TNRC6C: variants seen among roughly 807,000 people sequenced by gnomAD.
TNRC6C encodes the protein trinucleotide repeat containing adaptor 6C, also known as trinucleotide repeat-containing gene 6C protein.
In TNRC6C, 20 loss-of-function variants were observed where a neutral mutation model predicts 153.7. The ratio of observed to expected loss-of-function variants is 0.13; its 90% confidence interval spans 0.09 to 0.19. TNRC6C has a LOEUF of 0.19. TNRC6C is among the 10% of genes least tolerant of loss of function. TNRC6C has a pLI of 1.00. For synonymous variants in TNRC6C, 811 were observed against 841.4 expected (o/e 0.96, Z 0.63); for missense variants, 1,987 against 2,172.0 (o/e 0.91, Z 1.69).
At chr17:78,058,871 T>C (rs912641181) in intron 3 of TNRC6C, among the ~76,000 whole-genome samples, 10 of 152,216 alleles carry the variant, frequency 6.6e-5, no homozygotes, top group Non-Finnish European at 1.3e-4. Context: ...TCTGGTGATA[T>C]TTGCTTTAAA....
chr17:78,098,298 T>A, intron 16 of TNRC6C, 45 bp from the exon 20 acceptor site: 1 of 1,522,934 alleles, frequency 6.6e-7, no homozygotes, highest in South Asian at 1.3e-5. Flanking sequence ...TGAGTTTTCT[T>A]CTTTGTCTCA....
chr17:78,053,229 A>G (rs1013132505), intron 3 of TNRC6C, among the ~76,000 whole-genome samples: 1 of 152,174 alleles, frequency 6.6e-6, no homozygotes, highest in Non-Finnish European at 1.5e-5. Context: ...TGAATTTGTG[A>G]TTCCAATTGT....
chr17:78,030,560 C>T (rs542759020), intron 1 of TNRC6C, among the ~76,000 whole-genome samples: 3 of 152,254 alleles, frequency 2.0e-5, no homozygotes, highest in South Asian at 4.1e-4. Context: ...TATAATCTTA[C>T]GGAACCACTG....
upstream of TNRC6C, among the ~76,000 whole-genome samples, chr17:77,999,857 A>C (rs1159595393): frequency 6.6e-6 from 1 of 152,198 alleles, no homozygotes; most frequent in Non-Finnish European, 1.5e-5. Context: ...GGAGACTCTA[A>C]AGCCAGTCTG....
intron 1 of TNRC6C, among the ~76,000 whole-genome samples, chr17:77,984,420 C>T (rs974184477): frequency 1.3e-5 from 2 of 151,912 alleles, no homozygotes; most frequent in Admixed American, 1.3e-4. Flanking sequence ...GTCAGCTGCT[C>T]CAGAGGCTAA....
At chr17:78,003,042 G>A (rs1259385882), upstream of TNRC6C, among the ~76,000 whole-genome samples, 1 of 152,174 alleles carries the variant, frequency 6.6e-6, no homozygotes, top group Non-Finnish European at 1.5e-5. Context: ...CGGGATAGTG[G>A]CATCTAAAAT....
exon 4 of TNRC6C, chr17:78,064,922 G>T (rs776344094): frequency 1.2e-6 from 2 of 1,610,128 alleles, no homozygotes; most frequent in East Asian, 4.5e-5. Flanking sequence ...TGCTGCCTCA[G>T]CCCTGTGCAA....
At chr17:78,026,607 C>T (rs2071946039) in intron 1 of TNRC6C, among the ~76,000 whole-genome samples, 1 of 152,216 alleles carries the variant, frequency 6.6e-6, no homozygotes, top group Non-Finnish European at 1.5e-5. Flanking sequence ...TTAGCACTTG[C>T]TGAACCTCAA....
At chr17:78,081,076 A>G (rs2073170958) in intron 10 of TNRC6C, among the ~76,000 whole-genome samples, 1 of 152,164 alleles carries the variant, frequency 6.6e-6, no homozygotes, top group Non-Finnish European at 1.5e-5. Context: ...GTGCCAGAAG[A>G]TTCAGTGTCT....
intron 1 of TNRC6C, among the ~76,000 whole-genome samples, chr17:77,999,020 GGAGTTAGTCT>G (rs1486852074): frequency 6.6e-6 from 1 of 152,244 alleles, no homozygotes; most frequent in Non-Finnish European, 1.5e-5. Context: ...CCCACATGTA[GGAGTTAGTCT>G]GAGGCTTGGG....
rs772041930 is a variant in TNRC6C, at chr17:78,098,329, C to T, written c.4307-14C>T. 6.3e-7 allele frequency: 1 copy of T among 1,599,814 alleles called. No homozygotes were observed. The highest frequency in any genetic ancestry group is 1.3e-5 in the African/African-American group (1 of 74,606). Reference sequence around the variant, plus strand: ...TCTCAAGACTGCATATGCTCCATCTCTCTGCCTTTCTAGGTAAACTGTCAG... The same window carrying T: ...TCTCAAGACTGCATATGCTCCATCTTTCTGCCTTTCTAGGTAAACTGTCAG... On this transcript the variant is annotated splice_polypyrimidine_tract_variant and intron_variant, in intron 16 of 19. Coordinates refer to ENST00000301624, the Ensembl canonical transcript of TNRC6C.
intron 3 of TNRC6C, among the ~76,000 whole-genome samples, chr17:78,056,226 C>T (rs535692587): frequency 6.6e-6 from 1 of 151,554 alleles, no homozygotes; most frequent in Admixed American, 6.6e-5. Flanking sequence ...GACACAATCT[C>T]GTCTTACTGC....
At chr17:77,980,866 G>A (rs1320912331) in intron 1 of TNRC6C, among the ~76,000 whole-genome samples, 1 of 152,166 alleles carries the variant, frequency 6.6e-6, no homozygotes, top group Non-Finnish European at 1.5e-5. Context: ...ATGGGGGGTG[G>A]GTGCTTCCAT....
rs562208500 is a variant in TNRC6C, at chr17:77,974,514, A to T, written c.-38+15246A>T. On this transcript the variant is annotated intron_variant, in intron 1 of 22. Coordinates refer to the TNRC6C transcript ENST00000636222. The stretch of plus-strand genomic sequence containing the variant: ...CCCAAAAAAAAAGTAAGAGGGAGAG[A>T]TGGAGTCTTGCTGTGTTGCCCAGGC... Among the ~76,000 whole-genome samples the T allele has an allele frequency of 6.6e-5, 10 of 151,632 alleles. No homozygotes were observed. The South Asian group carries it at 2.1e-3, about 32-fold the overall frequency.
intron 1 of TNRC6C, among the ~76,000 whole-genome samples, chr17:77,962,768 G>T (rs1318686125): frequency 6.6e-6 from 1 of 152,182 alleles, no homozygotes; most frequent in East Asian, 1.9e-4. Context: ...CTATCTCAGA[G>T]GGTCTTCAAA....
At chr17:77,968,680 A>G (rs949191171) in intron 1 of TNRC6C, among the ~76,000 whole-genome samples, 6 of 152,184 alleles carry the variant, frequency 3.9e-5, no homozygotes, top group African/African-American at 4.8e-5. Flanking sequence ...GCACATGCCT[A>G]TTTAGCCTTG....
In TNRC6C at chr17:77,995,850, C is replaced by T. The variant is rs913781867; in HGVS notation, c.-37-8320C>T. Among the ~76,000 whole-genome samples the T allele has an allele frequency of 3.9e-5, 6 of 152,266 alleles. No individual in the cohort carries two copies. The Middle Eastern group carries it at 0.014, about 345-fold the overall frequency. ...AGAAATCAAGAAAAGGTTTTCACAA[C>T]GTGGTACTTAAAACTCCCATACTTC... On this transcript the variant is annotated intron_variant, in intron 1 of 22. Coordinates refer to the TNRC6C transcript ENST00000636222.
intron 14 of TNRC6C, among the ~76,000 whole-genome samples, 188 bp from the exon 17 acceptor site, chr17:78,092,745 T>A (rs983715995): frequency 2.6e-5 from 4 of 151,900 alleles, no homozygotes; most frequent in Admixed American, 1.3e-4. Context: ...AAAAAATAAA[T>A]AAATAAATAA....
At chr17:78,054,215 G>T (rs1291657530) in intron 3 of TNRC6C, among the ~76,000 whole-genome samples, 2 of 152,192 alleles carry the variant, frequency 1.3e-5, no homozygotes, top group Non-Finnish European at 2.9e-5. Flanking sequence ...CTTACCATGA[G>T]TGGAGCTTGC....
Sources: gnomAD v4.1 joint callset for allele counts (sites outside exome capture counted in the v4.1 genomes callset) on GRCh38, gnomAD v4.1.1 for gene constraint, MANE v1.5 for transcripts, NCBI Gene and HGNC (gene_info 2026-07-23, HGNC 2026-07-21) for gene names.